Variants in RAB27B observed in about 807,000 individuals in gnomAD.
RAB27B encodes RAB27B, member RAS oncogene family, also known as ras-related protein Rab-27B.
RAB27B carries 15 observed loss-of-function variants against 24.6 expected under a neutral mutation model. That is an observed-to-expected ratio of 0.61 (90% CI 0.41 to 0.94). The LOEUF (loss-of-function observed/expected upper bound fraction) is 0.94, where lower values mean the gene tolerates loss of function less well. RAB27B is among the 40% of genes least tolerant of loss of function. The pLI is 0.00. For synonymous variants in RAB27B, 105 were observed against 92.5 expected (o/e 1.14, Z -0.78); for missense variants, 261 against 266.8 (o/e 0.98, Z 0.15).
At chr18:54,783,920 C>T (rs529943674) in intron 2 of RAB27B, among the ~76,000 whole-genome samples, 22 of 152,296 alleles carry the variant, frequency 1.4e-4, no homozygotes, top group African/African-American at 5.3e-4. Context: ...TGGATTGTGC[C>T]TGGCCCTGAA....
chr18:54,775,410 T>G lies in RAB27B; in HGVS notation c.-20+57269T>G, dbSNP rs928659326. On this transcript the variant is annotated intron_variant, in intron 2 of 4. Coordinates refer to the RAB27B transcript ENST00000586570. ...AAGTTTTGTCCTCTTGGCATCATAT[T>G]GCCAAGGAAAATGTGTCCAGAGATT... Among the ~76,000 whole-genome samples, 4 of 152,326 alleles carry G rather than the reference T, an allele frequency of 2.6e-5. No individual in the cohort carries two copies. The South Asian group carries it at 8.3e-4, about 32-fold the overall frequency.
chr18:54,822,263 G>A (rs1910335005), intron 2 of RAB27B, among the ~76,000 whole-genome samples: 1 of 152,094 alleles, frequency 6.6e-6, no homozygotes, highest in Non-Finnish European at 1.5e-5. Flanking sequence ...ATTAATCAAT[G>A]TTAGTTTAGA....
intron 3 of RAB27B, among the ~76,000 whole-genome samples, chr18:54,882,691 G>A (rs1250232990): frequency 6.6e-6 from 1 of 152,164 alleles, no homozygotes; most frequent in Non-Finnish European, 1.5e-5. Flanking sequence ...AAAGCCCAGG[G>A]GAGCAGAGTG....
chr18:54,882,052 C>A (rs938585245), intron 3 of RAB27B, among the ~76,000 whole-genome samples: 1 of 152,074 alleles, frequency 6.6e-6, no homozygotes, highest in Non-Finnish European at 1.5e-5. Flanking sequence ...AATCAAAGCA[C>A]TATAATCTCT....
At chr18:54,734,202 C>T (rs1028059120) in intron 2 of RAB27B, among the ~76,000 whole-genome samples, 2 of 152,234 alleles carry the variant, frequency 1.3e-5, no homozygotes, top group Non-Finnish European at 1.5e-5. Flanking sequence ...CTGAGGTCAG[C>T]GGTCTGCCTG....
intron 2 of RAB27B, among the ~76,000 whole-genome samples, chr18:54,809,338 A>C (rs1909891856): frequency 1.3e-5 from 2 of 152,196 alleles, no homozygotes; most frequent in African/African-American, 4.8e-5. Flanking sequence ...CCAGTAGAGT[A>C]TGCACTGAAG....
chr18:54,758,759 C>A (rs775599417), intron 2 of RAB27B, among the ~76,000 whole-genome samples: 11 of 151,992 alleles, frequency 7.2e-5, no homozygotes, highest in Non-Finnish European at 1.5e-4. Context: ...TGAAGGCATT[C>A]GATGGTGATT....
At chr18:54,867,003 A>G (rs1021732211) in intron 1 of RAB27B, among the ~76,000 whole-genome samples, 2 of 152,196 alleles carry the variant, frequency 1.3e-5, no homozygotes, top group Non-Finnish European at 2.9e-5. Context: ...AAAAAGAGCA[A>G]GTAGCACGTG....
At chr18:54,784,953 C>G in intron 2 of RAB27B, among the ~76,000 whole-genome samples, 1 of 152,138 alleles carries the variant, frequency 6.6e-6, no homozygotes, top group Non-Finnish European at 1.5e-5. Flanking sequence ...GGGTAGAAAG[C>G]CTACCATTAC....
At chr18:54,867,442 C>CTT (rs548288719) in intron 1 of RAB27B, among the ~76,000 whole-genome samples, 1,141 of 98,782 alleles carry the variant, frequency 0.012, 27 homozygotes, top group South Asian at 0.04. Flanking sequence ...CTTTTCTTTT[C>CTT]TTTTTTTTTT....
intron 2 of RAB27B, among the ~76,000 whole-genome samples, chr18:54,758,715 A>G (rs1438027433): frequency 6.6e-6 from 1 of 151,988 alleles, no homozygotes; most frequent in African/African-American, 2.4e-5. Flanking sequence ...GGAATTCTGA[A>G]TGAATAACTT....
intron 2 of RAB27B, among the ~76,000 whole-genome samples, chr18:54,795,893 A>G (rs1274532772): frequency 6.6e-6 from 1 of 152,174 alleles, no homozygotes; most frequent in East Asian, 1.9e-4. Context: ...TATTTAAATA[A>G]CTTTATTGAG....
At chr18:54,776,119 G>T (rs1430690785) in intron 2 of RAB27B, among the ~76,000 whole-genome samples, 1 of 152,166 alleles carries the variant, frequency 6.6e-6, no homozygotes, top group South Asian at 2.1e-4. Context: ...TGTTGTTGTT[G>T]TTTTTTAAGA....
In RAB27B at chr18:54,888,060, C is replaced by G. The variant is rs1287005983; in HGVS notation, c.409C>G (p.Leu137Val). The part of the protein sequence containing the change: ...DIVLIGNKAD[L>V]PDQREVNERQ... ...AGTATTAATTGGCAACAAGGCAGAC[C>G]TACCAGATCAGAGGGAAGTCAATGA... The change falls in exon 5 of 6, where the codon CTA becomes GTA. Residue 137 changes from leucine to valine, a missense_variant. By Grantham distance (32) the Leu-to-Val change is conservative. Coordinates refer to ENST00000262094, the MANE Select transcript of RAB27B (RefSeq NM_004163.4). 11 of 1,613,178 alleles carry G rather than the reference C, an allele frequency of 6.8e-6. 1 individual carries two copies. The South Asian group carries it at 7.7e-5, about 11-fold the overall frequency.
intron 1 of RAB27B, among the ~76,000 whole-genome samples, chr18:54,850,195 G>C (rs1017956581): frequency 6.6e-6 from 1 of 151,504 alleles, no homozygotes; most frequent in African/African-American, 2.4e-5. Context: ...AACAGAGTTT[G>C]TCTAAGAAGC....
At position 54,850,359 on chromosome 18, in the gene RAB27B, T is replaced by TACAC. The variant is rs1555663551; in HGVS notation, c.-20+21662_-20+21663insCACA. 4.5e-4 allele frequency among the ~76,000 whole-genome samples: 57 copies of TACAC among 126,874 alleles called. 2 individuals are homozygous for TACAC. The highest frequency in any genetic ancestry group is 1.7e-3 in the African/African-American group (53 of 32,006). The allele number at this position is 126,874 out of a possible 152,430, so 83.2% of individuals were successfully genotyped here. On this transcript the variant is annotated intron_variant, in intron 1 of 5. Transcript: ENST00000262094. ...ATATATATATATATATATATATATATACATACATACATATGTTTAGTTTTT... is the reference window on the plus strand; with the variant it reads ...ATATATATATATATATATATATATATACACACATACATACATATGTTTAGTTTTT...
At chr18:54,843,343 A>C (rs1911193113) in intron 1 of RAB27B, among the ~76,000 whole-genome samples, 1 of 117,018 alleles carries the variant, frequency 8.5e-6, no homozygotes, top group Non-Finnish European at 1.8e-5. Flanking sequence ...CTATAAGTTT[A>C]GATTTTCAAT....
chr18:54,837,230 G>A (rs1318086097), intron 1 of RAB27B, among the ~76,000 whole-genome samples: 1 of 152,114 alleles, frequency 6.6e-6, no homozygotes, highest in Non-Finnish European at 1.5e-5. Context: ...AAACTGTAGA[G>A]AGATCAGTGA....
In RAB27B at chr18:54,888,732, A is replaced by C. The variant is rs1293394744; in HGVS notation, c.468-492A>C. ...ATCATATCTGCCAATTTTTTATGGA[A>C]GAATTCTCCCTAAAAGCTGTACAAT... On this transcript the variant is annotated intron_variant, in intron 5 of 5. Coordinates refer to ENST00000262094, the MANE Select transcript of RAB27B (RefSeq NM_004163.4). 2.7e-5 allele frequency among the ~76,000 whole-genome samples: 4 copies of C among 150,906 alleles called. No homozygotes were observed. The East Asian group carries it at 5.8e-4, about 22-fold the overall frequency.
Sources: allele counts gnomAD v4.1 joint callset (sites outside exome capture counted in the v4.1 genomes callset), GRCh38; gene constraint gnomAD v4.1.1; transcripts MANE v1.5; gene names NCBI Gene and HGNC (gene_info 2026-07-23, HGNC 2026-07-21).